The following VPS13B variants were observed in gnomAD, a reference collection of about 807,000 sequenced individuals.
The protein encoded by VPS13B is vacuolar protein sorting 13 homolog B.
A neutral mutation model predicts 426.4 loss-of-function variants in VPS13B; 285 were observed. That is an observed-to-expected ratio of 0.67 (90% CI 0.61 to 0.74). The LOEUF (loss-of-function observed/expected upper bound fraction) is 0.74. VPS13B is among the 30% of genes least tolerant of loss of function. The pLI is 0.00. For synonymous variants in VPS13B, 1,676 were observed against 1,676.4 expected (o/e 1.00, Z 0.01); for missense variants, 4,537 against 4,782.6 (o/e 0.95, Z 1.51).
At chr8:99,664,258 G>A (rs1208041074) in intron 35 of VPS13B, among the ~76,000 whole-genome samples, 3 of 151,830 alleles carry the variant, frequency 2.0e-5, no homozygotes, top group Non-Finnish European at 4.4e-5. Flanking sequence ...GCCCACCTTG[G>A]CCTCCCAAAG....
intron 21 of VPS13B, among the ~76,000 whole-genome samples, chr8:99,407,346 A>G (rs1292223752): frequency 6.6e-6 from 1 of 152,176 alleles, no homozygotes; most frequent in East Asian, 1.9e-4. Flanking sequence ...ATCATGAATG[A>G]TAATAGCTTC....
At chr8:99,436,303 G>A (rs1037648709) in intron 22 of VPS13B, among the ~76,000 whole-genome samples, 1 of 152,096 alleles carries the variant, frequency 6.6e-6, no homozygotes, top group Non-Finnish European at 1.5e-5. Context: ...TAATGTTGCA[G>A]TACCTTTTAG....
At chr8:99,085,139 T>G (rs181035205) in intron 3 of VPS13B, among the ~76,000 whole-genome samples, 2,162 of 152,192 alleles carry the variant, frequency 0.014, 20 homozygotes, top group Non-Finnish European at 0.021. Context: ...GGGTGCTCCT[T>G]TATTGGGTGC....
intron 33 of VPS13B, among the ~76,000 whole-genome samples, chr8:99,581,047 G>A (rs147103474): frequency 9.1e-4 from 135 of 148,618 alleles, no homozygotes; most frequent in African/African-American, 3.3e-3. Flanking sequence ...GGCAGGCATG[G>A]TGGCATGTGC....
chr8:99,428,793 GTAT>G (rs1216445523), intron 21 of VPS13B, among the ~76,000 whole-genome samples: 1 of 152,050 alleles, frequency 6.6e-6, no homozygotes, highest in Non-Finnish European at 1.5e-5. Flanking sequence ...TATGCCCAAA[GTAT>G]TATAAATCAT....
At chr8:99,589,767 A>G (rs1011805157) in intron 33 of VPS13B, among the ~76,000 whole-genome samples, 1 of 152,082 alleles carries the variant, frequency 6.6e-6, no homozygotes, top group South Asian at 2.1e-4. Flanking sequence ...TTTCGCATCA[A>G]TGTTCATCAG....
At chr8:99,568,163 A>G (rs1825276941) in intron 31 of VPS13B, among the ~76,000 whole-genome samples, 2 of 152,224 alleles carry the variant, frequency 1.3e-5, no homozygotes, top group South Asian at 2.1e-4. Flanking sequence ...GGGCTAAATA[A>G]TGAACGGTTT....
chr8:99,109,976 C>T (rs1213373617), intron 5 of VPS13B, among the ~76,000 whole-genome samples: 6 of 151,910 alleles, frequency 3.9e-5, no homozygotes, highest in African/African-American at 1.4e-4. Flanking sequence ...ATTTCTGGTC[C>T]TACTATTGTA....
At chr8:99,022,411 C>T (rs538119165) in intron 2 of VPS13B, among the ~76,000 whole-genome samples, 1 of 151,898 alleles carries the variant, frequency 6.6e-6, no homozygotes, top group South Asian at 2.1e-4. Flanking sequence ...GCTTAATTTC[C>T]AAACATTTAG....
chr8:99,628,578 A>G (rs1272464388), intron 33 of VPS13B, among the ~76,000 whole-genome samples: 2 of 152,174 alleles, frequency 1.3e-5, no homozygotes, highest in Non-Finnish European at 2.9e-5. Flanking sequence ...AGTCCCTACA[A>G]TTAAGGATAT....
rs1409888936 is a variant in VPS13B, at chr8:99,369,804, C to G, written c.2825-14404C>G. On this transcript the variant is annotated intron_variant, in intron 19 of 61. Transcript: ENST00000357162. ...TGTTAATATTGATTAATAAAACTTC[C>G]TTTTCTTCTCCCTCCTTTTTTGTTG... Among the ~76,000 whole-genome samples the G allele has an allele frequency of 3.3e-5, 5 of 152,098 alleles. No individual in the cohort carries two copies. In the East Asian group the frequency reaches 9.6e-4, roughly 29 times the overall value.
intron 13 of VPS13B, among the ~76,000 whole-genome samples, chr8:99,145,781 GT>G (rs1335767876): frequency 1.3e-5 from 2 of 152,358 alleles, no homozygotes; most frequent in African/African-American, 4.8e-5. Flanking sequence ...GCTCTGAACA[GT>G]TGTGTACTGG....
intron 3 of VPS13B, among the ~76,000 whole-genome samples, chr8:99,063,070 T>C (rs1844277375): frequency 6.6e-6 from 1 of 152,240 alleles, no homozygotes; most frequent in Non-Finnish European, 1.5e-5. Flanking sequence ...ATTATTGTAA[T>C]CTGAACACTT....
At chr8:99,797,091 G>T (rs1254639992) in intron 43 of VPS13B, 2 of 152,202 alleles carry the variant, frequency 1.3e-5, no homozygotes, top group Non-Finnish European at 2.9e-5. Context: ...AGAGAATGAA[G>T]ATGGACATGA....
At chr8:99,336,820 C>G (rs1341197160) in intron 19 of VPS13B, among the ~76,000 whole-genome samples, 2 of 152,172 alleles carry the variant, frequency 1.3e-5, no homozygotes, top group African/African-American at 4.8e-5. Flanking sequence ...GAGATACCAT[C>G]TCACACCAGA....
intron 3 of VPS13B, among the ~76,000 whole-genome samples, chr8:99,082,244 G>A (rs983084187): frequency 2.0e-5 from 3 of 152,086 alleles, no homozygotes; most frequent in African/African-American, 7.2e-5. Flanking sequence ...GTGTCTTTTG[G>A]CTGCATAAAT....
intron 17 of VPS13B, among the ~76,000 whole-genome samples, chr8:99,224,248 G>T (rs191668031): frequency 4.5e-4 from 69 of 152,184 alleles, no homozygotes; most frequent in African/African-American, 1.5e-3. Flanking sequence ...TCTTGAATGT[G>T]TTCATGTAGT....
chr8:99,310,165 A>G (rs1011708644), intron 19 of VPS13B, among the ~76,000 whole-genome samples: 3 of 152,070 alleles, frequency 2.0e-5, no homozygotes, highest in Non-Finnish European at 2.9e-5. Context: ...CTAATTGAAT[A>G]CCCTTTATTT....
At chr8:99,551,269 G>C (rs1265545016) in intron 30 of VPS13B, among the ~76,000 whole-genome samples, 2 of 151,972 alleles carry the variant, frequency 1.3e-5, no homozygotes, top group Non-Finnish European at 2.9e-5. Flanking sequence ...TTTAAATAGA[G>C]TTAAAGTCTA....
Sources: gnomAD v4.1 joint callset for allele counts (sites outside exome capture counted in the v4.1 genomes callset) on GRCh38, gnomAD v4.1.1 for gene constraint, MANE v1.5 for transcripts, NCBI Gene and HGNC (gene_info 2026-07-23, HGNC 2026-07-21) for gene names.